The following CDH12 variants were observed in gnomAD, a reference collection of about 807,000 sequenced individuals.
CDH12 encodes the protein cadherin-12.
A neutral mutation model predicts 74.1 loss-of-function variants in CDH12; 41 were observed. The ratio of observed to expected loss-of-function variants is 0.55; its 90% CI spans 0.43 to 0.72. The LOEUF is 0.72. Among genes scored for constraint, CDH12 ranks in the 30% least tolerant of loss-of-function variants. The pLI, the probability that CDH12 is intolerant of heterozygous loss-of-function variation, is 0.00. For synonymous variants in CDH12, 399 were observed against 355.0 expected, an observed-to-expected ratio of 1.12 and a Z score of -1.39; for missense variants, 945 against 977.2, an observed-to-expected ratio of 0.97 and a Z score of 0.44.
At chr5:22,093,545 T>G (rs1743561685) in intron 4 of CDH12, among the ~76,000 whole-genome samples, 1 of 152,240 alleles carries the variant, frequency 6.6e-6, no homozygotes, top group Non-Finnish European at 1.5e-5. Context: ...ATGATTGTTA[T>G]TTATATTGTT....
At chr5:22,461,959 G>C (rs1274226214) in intron 2 of CDH12, among the ~76,000 whole-genome samples, 3 of 151,830 alleles carry the variant, frequency 2.0e-5, no homozygotes, top group Admixed American at 1.3e-4. Flanking sequence ...TTACCTAATT[G>C]TACAAATTAC....
At chr5:22,503,745 C>T (rs1265024592) in intron 2 of CDH12, among the ~76,000 whole-genome samples, 1 of 151,986 alleles carries the variant, frequency 6.6e-6, no homozygotes, top group East Asian at 1.9e-4. Context: ...ACAGAGTGAA[C>T]CAAAGGACAT....
intron 6 of CDH12, among the ~76,000 whole-genome samples, chr5:21,920,504 A>C (rs1439375646): frequency 6.6e-6 from 1 of 151,942 alleles, no homozygotes; most frequent in Non-Finnish European, 1.5e-5. Context: ...AGGGAGAGGG[A>C]ACATCACACA....
rs573626102 is a variant in CDH12, at chr5:22,684,525, C to T, written c.-523+168533G>A. 2.4e-4 allele frequency among the ~76,000 whole-genome samples: 37 copies of T among 152,226 alleles called. No homozygotes were observed. In the South Asian group the frequency reaches 7.3e-3, roughly 30 times the overall value. ...GATTGTGAAGTCAAAGTGAGAACTG[C>T]GTATGCCATTACCAGCTAAATAACA... is the stretch of plus-strand genomic sequence containing the variant. On this transcript the variant is annotated intron_variant, in intron 1 of 14. Transcript: ENST00000382254.
intron 3 of CDH12, among the ~76,000 whole-genome samples, chr5:22,318,604 A>G (rs1265235225): frequency 6.6e-6 from 1 of 152,212 alleles, no homozygotes; most frequent in East Asian, 1.9e-4. Context: ...CAATCCAAGT[A>G]ACAGGAATCA....
chr5:22,466,490 G>A (rs1745733817), intron 2 of CDH12, among the ~76,000 whole-genome samples: 1 of 152,086 alleles, frequency 6.6e-6, no homozygotes, highest in Admixed American at 6.6e-5. Flanking sequence ...ATGGCTGAGT[G>A]CAATGAAAGT....
chr5:22,819,958 T>TAC (rs1307956231), intron 1 of CDH12, among the ~76,000 whole-genome samples: 1 of 146,574 alleles, frequency 6.8e-6, no homozygotes, highest in East Asian at 2.0e-4. Flanking sequence ...TGTATATATA[T>TAC]ACACATATAT....
chr5:22,770,045 T>A (rs1746726492), intron 1 of CDH12, among the ~76,000 whole-genome samples: 1 of 151,950 alleles, frequency 6.6e-6, no homozygotes, highest in African/African-American at 2.4e-5. Flanking sequence ...GCGCTGACTT[T>A]TTTTTTTCAT....
At chr5:22,737,288 T>C (rs1561613340) in intron 1 of CDH12, among the ~76,000 whole-genome samples, 1 of 151,920 alleles carries the variant, frequency 6.6e-6, no homozygotes, top group African/African-American at 2.4e-5. Context: ...ATGAATAATA[T>C]GTTTAAATGA....
At chr5:22,584,233 G>A (rs1740256377) in intron 1 of CDH12, among the ~76,000 whole-genome samples, 1 of 151,982 alleles carries the variant, frequency 6.6e-6, no homozygotes, top group Admixed American at 6.6e-5. Flanking sequence ...CCAAGTAGCT[G>A]GGACTACAGG....
chr5:21,837,315 A>G (rs1749588914), intron 8 of CDH12, among the ~76,000 whole-genome samples: 1 of 151,456 alleles, frequency 6.6e-6, no homozygotes. Context: ...CATGCATGAT[A>G]CAAATGCCTA....
intron 5 of CDH12, among the ~76,000 whole-genome samples, chr5:22,062,355 A>G (rs1741250087): frequency 6.6e-6 from 1 of 152,136 alleles, no homozygotes; most frequent in Admixed American, 6.6e-5. Flanking sequence ...GCTCAAATTC[A>G]ATTTTTAAGC....
intron 3 of CDH12, among the ~76,000 whole-genome samples, chr5:22,343,440 CG>C (rs1171243144): frequency 6.6e-6 from 1 of 151,636 alleles, no homozygotes; most frequent in African/African-American, 2.4e-5. Flanking sequence ...TTTTTTGAGA[CG>C]GAGTCTCGCT....
At chr5:22,385,860 G>A (rs1456247195) in intron 3 of CDH12, among the ~76,000 whole-genome samples, 2 of 151,492 alleles carry the variant, frequency 1.3e-5, no homozygotes, top group African/African-American at 4.9e-5. Flanking sequence ...AGGAGAAAGG[G>A]AGAGAAGGTG....
intron 1 of CDH12, among the ~76,000 whole-genome samples, chr5:22,831,605 T>A (rs780174): frequency 0.11 from 16,187 of 151,868 alleles, 1,180 homozygotes; most frequent in African/African-American, 0.2. Flanking sequence ...CAGTAAAAAT[T>A]ATTAAATCCA....
At chr5:22,064,949 A>G (rs922819186) in intron 5 of CDH12, among the ~76,000 whole-genome samples, 2 of 152,206 alleles carry the variant, frequency 1.3e-5, no homozygotes, top group Non-Finnish European at 1.5e-5. Context: ...TAAAGTGAGC[A>G]AAGTAATTGT....
intron 4 of CDH12, among the ~76,000 whole-genome samples, chr5:22,091,975 T>A (rs1213706788): frequency 2.0e-5 from 3 of 151,874 alleles, no homozygotes; most frequent in Non-Finnish European, 4.4e-5. Context: ...GATATCCAAT[T>A]GACCCAGGCC....
intron 6 of CDH12, among the ~76,000 whole-genome samples, chr5:21,935,023 T>C (rs1255768864): frequency 1.3e-5 from 2 of 152,160 alleles, no homozygotes; most frequent in Non-Finnish European, 1.5e-5. Flanking sequence ...CCTGACTTCG[T>C]GATCCGCCCA....
chr5:22,457,504 C>T (rs1370226777), intron 2 of CDH12, among the ~76,000 whole-genome samples: 1 of 151,942 alleles, frequency 6.6e-6, no homozygotes, highest in Non-Finnish European at 1.5e-5. Context: ...ATTGCAGCCT[C>T]CACCTCCCAA....
Sources: gnomAD v4.1 joint callset for allele counts (sites outside exome capture counted in the v4.1 genomes callset) on GRCh38, gnomAD v4.1.1 for gene constraint, MANE v1.5 for transcripts, NCBI Gene and HGNC (gene_info 2026-07-23, HGNC 2026-07-21) for gene names.